Variants in MAPKAP1 observed in about 807,000 individuals in gnomAD.
MAPKAP1 encodes the protein MAPK associated protein 1.
MAPKAP1 carries 20 observed loss-of-function variants against 65.7 expected under a neutral mutation model. The observed-to-expected ratio is 0.30, with a 90% CI of 0.21 to 0.44. The LOEUF (loss-of-function observed/expected upper bound fraction) is 0.44. MAPKAP1 is among the 20% of genes least tolerant of loss of function. The pLI, the probability that MAPKAP1 is intolerant of heterozygous loss-of-function variation, is 1.00. For synonymous variants in MAPKAP1, 222 were observed against 244.3 expected, an observed-to-expected ratio of 0.91 and a Z score of 0.85; for missense variants, 423 against 648.0, an observed-to-expected ratio of 0.65 and a Z score of 3.77.
At chr9:125,652,220 C>T in intron 4 of MAPKAP1, 1 of 1,309,638 alleles carries the variant, frequency 7.6e-7, no homozygotes, top group Non-Finnish European at 1.0e-6. Context: ...TTGTAGAAAA[C>T]ATTTGTTCAT....
At chr9:125,557,726 C>T (rs902739326) in intron 6 of MAPKAP1, among the ~76,000 whole-genome samples, 3 of 152,124 alleles carry the variant, frequency 2.0e-5, no homozygotes, top group African/African-American at 7.2e-5. Flanking sequence ...TTTTATACTG[C>T]TTATCACATT....
intron 6 of MAPKAP1, among the ~76,000 whole-genome samples, chr9:125,544,819 T>C (rs999621124): frequency 2.0e-5 from 3 of 152,216 alleles, no homozygotes; most frequent in African/African-American, 4.8e-5. Context: ...CTGGAAAAGC[T>C]TCCCAATGGT....
chr9:125,599,056 T>C (rs963326698), intron 4 of MAPKAP1, among the ~76,000 whole-genome samples: 38 of 151,214 alleles, frequency 2.5e-4, no homozygotes, highest in African/African-American at 9.0e-4. Flanking sequence ...AAAGACTTCA[T>C]GTAAAGCACT....
intron 1 of MAPKAP1, among the ~76,000 whole-genome samples, chr9:125,698,292 T>TATAA (rs1835466819): frequency 2.5e-3 from 10 of 3,964 alleles, no homozygotes; most frequent in Non-Finnish European, 3.8e-3. Flanking sequence ...TATATAAATA[T>TATAA]ATATATATAT....
At chr9:125,563,969 C>T (rs1830973503) in intron 5 of MAPKAP1, among the ~76,000 whole-genome samples, 1 of 152,192 alleles carries the variant, frequency 6.6e-6, no homozygotes, top group African/African-American at 2.4e-5. Flanking sequence ...CCTTGGCCTC[C>T]CAAAGTGCTG....
chr9:125,633,674 A>G (rs1564593915), intron 4 of MAPKAP1, among the ~76,000 whole-genome samples: 1 of 152,178 alleles, frequency 6.6e-6, no homozygotes, highest in Admixed American at 6.5e-5. Context: ...AGTTAAATTA[A>G]ACCTGTATTT....
intron 10 of MAPKAP1, among the ~76,000 whole-genome samples, chr9:125,460,508 C>A (rs12553073): frequency 0.026 from 3,885 of 152,276 alleles, 73 homozygotes; most frequent in Non-Finnish European, 0.035. Context: ...TGTAAACATA[C>A]ACATAACGTC....
At position 125,649,186 on chromosome 9, in the gene MAPKAP1, C is replaced by T. The variant is rs568993606; in HGVS notation, c.498+8465G>A. Among the ~76,000 whole-genome samples, 14 of 152,302 alleles carry T rather than the reference C, an allele frequency of 9.2e-5. No homozygotes were observed. In the South Asian group the frequency reaches 2.7e-3, roughly 29 times the overall value. ...ACACCATCCCTAGTCCCCTCCATAC[C>T]TACAAGGATTGTCTCCTGGGCTAGA... On this transcript the variant is annotated intron_variant, in intron 4 of 11. Transcript: ENST00000265960.
At chr9:125,690,049 T>C (rs771632206) in intron 1 of MAPKAP1, among the ~76,000 whole-genome samples, 3 of 150,024 alleles carry the variant, frequency 2.0e-5, no homozygotes, top group African/African-American at 4.9e-5. Flanking sequence ...GATTGCGCCA[T>C]TGCACTCCAG....
In MAPKAP1 at chr9:125,484,457, G is replaced by C; in HGVS notation, c.1193C>G (p.Thr398Ser). 1 of 1,611,238 alleles carries C rather than the reference G, an allele frequency of 6.2e-7. No homozygotes were observed. The highest frequency in any genetic ancestry group is 8.5e-7 in the Non-Finnish European group (1 of 1,178,648). ...CACACACTTACCTAGCTGTACGTCGGTTGTGAATCGCAGTCTGTGGATCAT... is the reference window on the plus strand; with the variant it reads ...CACACACTTACCTAGCTGTACGTCGCTTGTGAATCGCAGTCTGTGGATCAT... Reference protein sequence around the residue: ...VSMIHRLRFTTDVQLGISGDK... With the variant: ...VSMIHRLRFTSDVQLGISGDK... The change falls in exon 9 of 12, where the codon ACC (threonine) becomes AGC (serine). Residue 398 changes from threonine to serine, a missense_variant. Physicochemically the swap from Thr to Ser is moderately conservative, Grantham distance 58. This residue lies in a region of MAPKAP1 where 185 missense variants were observed against 268.1 expected (regional missense o/e 0.69). Transcript: ENST00000265960.
At chr9:125,455,515 C>T (rs1176631458) in intron 10 of MAPKAP1, among the ~76,000 whole-genome samples, 1 of 151,780 alleles carries the variant, frequency 6.6e-6, no homozygotes, top group Non-Finnish European at 1.5e-5. Flanking sequence ...AAAAAAATTT[C>T]ACATTTTTTA....
chr9:125,536,481 G>A (rs1033107487), intron 7 of MAPKAP1, among the ~76,000 whole-genome samples: 2 of 152,184 alleles, frequency 1.3e-5, no homozygotes, highest in South Asian at 4.1e-4. Context: ...CCCTATGCAT[G>A]AGTGGCATCA....
chr9:125,647,576 C>T (rs1475376433), intron 4 of MAPKAP1, among the ~76,000 whole-genome samples: 1 of 152,184 alleles, frequency 6.6e-6, no homozygotes, highest in East Asian at 1.9e-4. Flanking sequence ...TTCCTCTGCT[C>T]GGTCAGGTGC....
At chr9:125,584,709 G>A (rs1274816999) in intron 5 of MAPKAP1, among the ~76,000 whole-genome samples, 1 of 152,176 alleles carries the variant, frequency 6.6e-6, no homozygotes, top group African/African-American at 2.4e-5. Flanking sequence ...TTACAGGTGT[G>A]AGCCCCCGCA....
chr9:125,651,815 C>A (rs938279684), intron 4 of MAPKAP1, among the ~76,000 whole-genome samples: 4 of 152,124 alleles, frequency 2.6e-5, no homozygotes, highest in Admixed American at 6.5e-5. Flanking sequence ...ACCCCCGCAC[C>A]CCCACCAGTT....
chr9:125,461,828 G>C (rs1056743166), intron 10 of MAPKAP1, among the ~76,000 whole-genome samples: 1 of 152,186 alleles, frequency 6.6e-6, no homozygotes, highest in Non-Finnish European at 1.5e-5. Context: ...GGAGTGGACA[G>C]AGCCTGAGGA....
chr9:125,510,365 A>T (rs1829261732), intron 7 of MAPKAP1, among the ~76,000 whole-genome samples: 1 of 152,226 alleles, frequency 6.6e-6, no homozygotes, highest in African/African-American at 2.4e-5. Flanking sequence ...AACTTCTATA[A>T]ATTCAAAATG....
chr9:125,475,934 C>T lies in MAPKAP1; in HGVS notation c.1208-7825G>A, dbSNP rs533929056. On this transcript the variant is annotated intron_variant, in intron 9 of 11. Transcript: ENST00000265960. ...AGGAAGTGATTAAAGGAGCACAGAA[C>T]TCTGGATGAACGCTCATGAATCCGA... is the stretch of plus-strand genomic sequence containing the variant. Among the ~76,000 whole-genome samples, 4 of 152,322 alleles carry T rather than the reference C, an allele frequency of 2.6e-5. No individual in the cohort carries two copies. In the East Asian group the frequency reaches 7.7e-4, roughly 29 times the overall value.
intron 1 of MAPKAP1, among the ~76,000 whole-genome samples, chr9:125,678,014 C>T (rs1228060174): frequency 5.3e-5 from 8 of 152,016 alleles, no homozygotes; most frequent in African/African-American, 1.9e-4. Flanking sequence ...ACTTCCCAGA[C>T]TCAGGTGATT....
Sources: allele counts gnomAD v4.1 joint callset (sites outside exome capture counted in the v4.1 genomes callset), GRCh38; gene constraint gnomAD v4.1.1; regional missense constraint gnomAD v4.1.1; transcripts MANE v1.5; gene names NCBI Gene and HGNC (gene_info 2026-07-23, HGNC 2026-07-21).